The following STOX2 variants were observed in gnomAD, a reference collection of about 807,000 sequenced individuals.
STOX2 encodes the protein storkhead-box protein 2.
In STOX2, 28 loss-of-function variants were observed where a neutral mutation model predicts 60.9. That is an observed-to-expected ratio of 0.46 (90% CI 0.34 to 0.63). The LOEUF is 0.63. Among genes scored for constraint, STOX2 ranks in the 30% least tolerant of loss-of-function variants. The pLI is 0.01. For missense variants in STOX2, 1,024 were observed against 1,187.7 expected (o/e 0.86, Z 2.03); for synonymous variants, 472 against 463.9 (o/e 1.02, Z -0.22).
intron 1 of STOX2, among the ~76,000 whole-genome samples, chr4:183,815,008 A>ATTTTT (rs959492735): frequency 6.6e-6 from 1 of 150,886 alleles, no homozygotes; most frequent in African/African-American, 2.5e-5. Flanking sequence ...ATTTTATTTT[A>ATTTTT]TTTTTTTTCA....
chr4:183,836,947 C>T lies in STOX2; in HGVS notation c.364+38892C>T, dbSNP rs1286935514. Among the ~76,000 whole-genome samples, 2 of 152,200 alleles carry T rather than the reference C, an allele frequency of 1.3e-5. No individual in the cohort carries two copies. The highest frequency in any genetic ancestry group is 2.9e-5 in the Non-Finnish European group (2 of 68,030). On this transcript the variant is annotated intron_variant, in intron 1 of 2. Coordinates refer to the STOX2 transcript ENST00000513034. The surrounding 1 kb of genome is among the most constrained non-coding windows in gnomAD (Gnocchi z 4.1). Reference sequence around the variant, plus strand: ...AGGAAGACGGTGTTTTGAGTTCCTACTGTGTGCCAGTATTGTACTGTGTGC... The same window carrying T: ...AGGAAGACGGTGTTTTGAGTTCCTATTGTGTGCCAGTATTGTACTGTGTGC...
At chr4:183,933,913 G>C (rs896105667) in intron 1 of STOX2, among the ~76,000 whole-genome samples, 1 of 152,146 alleles carries the variant, frequency 6.6e-6, no homozygotes, top group East Asian at 1.9e-4. Flanking sequence ...TGGACAGAGA[G>C]AATAAAAATA....
intron 1 of STOX2, among the ~76,000 whole-genome samples, chr4:183,993,144 C>T (rs911803587): frequency 2.0e-5 from 3 of 152,250 alleles, no homozygotes; most frequent in Non-Finnish European, 4.4e-5. Flanking sequence ...TGGCCCCTTT[C>T]TGCCCGATGC....
chr4:183,837,583 C>G (rs1739746212), intron 1 of STOX2, among the ~76,000 whole-genome samples: 1 of 152,046 alleles, frequency 6.6e-6, no homozygotes, highest in Non-Finnish European at 1.5e-5. Flanking sequence ...CTCAGCCTCC[C>G]ACGTAGCTGG....
At chr4:183,965,960 G>T (rs916505322) in intron 1 of STOX2, among the ~76,000 whole-genome samples, 2 of 152,074 alleles carry the variant, frequency 1.3e-5, no homozygotes, top group Non-Finnish European at 1.5e-5. Flanking sequence ...ACAAGAAGGG[G>T]CAGGATTTAT....
rs772273575 is a variant in STOX2 at position 183,906,894 on chromosome 4, G to A, written c.104G>A (p.Arg35His). The A allele has an allele frequency of 7.7e-6, 12 of 1,550,736 alleles. No individual in the cohort carries two copies. Among genetic ancestry groups the A allele is most frequent in the African/African-American group, 1.4e-5 (1 of 73,040 alleles). Residue 35 changes from arginine (R) to histidine (H), a missense_variant, in exon 1 of 4, where the codon CGC (arginine) becomes CAC (histidine). Physicochemically the swap from Arg to His is conservative, Grantham distance 29. Around this residue, in one of 3 missense-constraint regions of STOX2, gnomAD observed 98 missense variants for 110.2 expected, o/e 0.89. Coordinates refer to ENST00000308497, the MANE Select transcript of STOX2 (RefSeq NM_020225.3). The stretch of plus-strand genomic sequence containing the variant: ...AGGTCCCGCAGCGAGAAGGACTACC[G>A]CCTGCACAAGCGTTTCCCCGCGGCC... ...RMRSRSEKDY[R>H]LHKRFPAAFA...
At chr4:183,887,269 A>G (rs1741105380) in intron 1 of STOX2, among the ~76,000 whole-genome samples, 1 of 15,158 alleles carries the variant, frequency 6.6e-5, no homozygotes, top group East Asian at 0.028. Context: ...CGCCTGAAAG[A>G]AAAAAAAAAA....
intron 1 of STOX2, among the ~76,000 whole-genome samples, chr4:183,866,068 T>C (rs780275232): frequency 6.6e-6 from 1 of 152,084 alleles, no homozygotes; most frequent in Non-Finnish European, 1.5e-5. Context: ...ACCCACAGCA[T>C]AGGTGAAGGG....
rs145526034 is a variant in STOX2, at chr4:183,949,814, T to A, written c.166+42858T>A. Reference sequence around the variant, plus strand: ...TTTTTGAGTGCTTGTTGTTTCAGGCTGGTGGTCTTATCCGTTTAGACATTT... The same window carrying A: ...TTTTTGAGTGCTTGTTGTTTCAGGCAGGTGGTCTTATCCGTTTAGACATTT... On this transcript the variant is annotated intron_variant, in intron 1 of 3. Coordinates refer to ENST00000308497, the MANE Select transcript of STOX2 (RefSeq NM_020225.3). Among the ~76,000 whole-genome samples the A allele has an allele frequency of 1.2e-3, 183 of 152,360 alleles. 1 individual carries two copies. The highest frequency in any genetic ancestry group is 2.0e-3 in the Non-Finnish European group (138 of 68,034).
At position 184,021,251 on chromosome 4, in the gene STOX2, G is replaced by A. The variant is rs2871387; in HGVS notation, c.*3967G>A. 6.6e-6 allele frequency: 1 copy of A among 151,972 alleles called. No individual in the cohort carries two copies. Among genetic ancestry groups the A allele is most frequent in the South Asian group, 2.1e-4 (1 of 4,826 alleles). 9.4% of individuals were successfully genotyped at this position (151,972 alleles called of 1,614,324 possible). ...ACAAGACAGGTCATCTTTGTAATAC[G>A]CATACTTACAACGAATTAACAAAAG... On this transcript the variant is annotated 3_prime_UTR_variant, in exon 4 of 4. Transcript: ENST00000308497.
chr4:183,838,251 TTAAA>T (rs1230017831), intron 1 of STOX2, among the ~76,000 whole-genome samples: 12 of 150,674 alleles, frequency 8.0e-5, no homozygotes, highest in Non-Finnish European at 1.2e-4. Flanking sequence ...ATTGAAAAAC[TTAAA>T]TAATTCAATA....
chr4:183,815,207 G>A (rs1739125636), intron 1 of STOX2, among the ~76,000 whole-genome samples: 1 of 151,760 alleles, frequency 6.6e-6, no homozygotes, highest in South Asian at 2.1e-4. Flanking sequence ...ATATTGCCAG[G>A]CTGGTCTCCA....
chr4:183,852,080 G>A (rs1468243477), intron 1 of STOX2, among the ~76,000 whole-genome samples: 19 of 99,824 alleles, frequency 1.9e-4, no homozygotes, highest in African/African-American at 5.9e-4. Context: ...AAAGGATGAG[G>A]GAAAGGATGA....
chr4:183,911,279 G>C (rs548182224), intron 1 of STOX2, among the ~76,000 whole-genome samples: 21 of 152,250 alleles, frequency 1.4e-4, no homozygotes, highest in Non-Finnish European at 2.1e-4. Flanking sequence ...AAAGGTATGC[G>C]TTTTAGGACT....
intron 1 of STOX2, among the ~76,000 whole-genome samples, chr4:183,801,602 C>T (rs983038479): frequency 6.6e-6 from 1 of 152,150 alleles, no homozygotes; most frequent in Admixed American, 6.5e-5. Context: ...GAGGCTTGAA[C>T]TTGATCTTGT....
At chr4:183,903,457 G>A (rs999952160), upstream of STOX2, among the ~76,000 whole-genome samples, 11 of 152,110 alleles carry the variant, frequency 7.2e-5, no homozygotes, top group African/African-American at 2.7e-4. Flanking sequence ...ATAGAACTTA[G>A]CACAATTTCT....
At chr4:183,812,081 G>A (rs1241149075) in intron 1 of STOX2, among the ~76,000 whole-genome samples, 1 of 151,986 alleles carries the variant, frequency 6.6e-6, no homozygotes, top group East Asian at 1.9e-4. Flanking sequence ...ACAGGCATAT[G>A]CCGCCACACC....
intron 1 of STOX2, among the ~76,000 whole-genome samples, chr4:183,824,473 G>C (rs1489395696): frequency 1.3e-5 from 2 of 152,106 alleles, no homozygotes; most frequent in East Asian, 3.8e-4. Flanking sequence ...CCATCTGGAT[G>C]AACTCTGAGA....
intron 1 of STOX2, among the ~76,000 whole-genome samples, chr4:183,984,689 A>G (rs1732775966): frequency 1.3e-5 from 2 of 152,180 alleles, no homozygotes; most frequent in South Asian, 4.1e-4. Flanking sequence ...CCGTGTCCCT[A>G]TGTGACGCTG....
Sources: gnomAD v4.1 joint callset for allele counts (sites outside exome capture counted in the v4.1 genomes callset) on GRCh38, gnomAD v4.1.1 for gene constraint, gnomAD v4.1.1 regional missense constraint, Gnocchi (gnomAD v3.1) non-coding constraint, MANE v1.5 for transcripts, NCBI Gene and HGNC (gene_info 2026-07-23, HGNC 2026-07-21) for gene names.